ETV1: variants seen among roughly 807,000 people sequenced by gnomAD.
The protein encoded by ETV1 is ETS translocation variant 1.
Under a neutral mutation model 62.3 loss-of-function variants are expected in ETV1, and 27 were observed. That is an observed-to-expected ratio of 0.43 (90% CI 0.32 to 0.60). The LOEUF is 0.60. Among genes scored for constraint, ETV1 ranks in the 20% least tolerant of loss-of-function variants. The probability of loss-of-function intolerance (pLI) is 0.06; values close to 1 mark genes in which losing one functional copy is unlikely to be tolerated. For synonymous variants in ETV1, 222 were observed against 199.6 expected, an observed-to-expected ratio of 1.11 and a Z score of -0.94; for missense variants, 605 against 605.8, an observed-to-expected ratio of 1.00 and a Z score of 0.01.
intron 9 of ETV1, among the ~76,000 whole-genome samples, chr7:13,919,973 A>T (rs1254728379): frequency 6.6e-6 from 1 of 152,160 alleles, no homozygotes; most frequent in Non-Finnish European, 1.5e-5. Flanking sequence ...AGTTCCACTT[A>T]TAAAAACAGT....
chr7:13,981,532 C>T lies in ETV1; in HGVS notation c.182-4052G>A, dbSNP rs74486293. Among the ~76,000 whole-genome samples, 577 of 59,056 alleles carry T rather than the reference C, an allele frequency of 9.8e-3. 6 individuals carry two copies. Among genetic ancestry groups the T allele is most frequent in the South Asian group, 0.045 (116 of 2,552 alleles). The allele number at this position is 59,056 out of a possible 152,430, so 38.7% of individuals were successfully genotyped here. ...ACATACATACATACATACATACATACATATATATATATACACACACACAAA... is the reference window on the plus strand; with the variant it reads ...ACATACATACATACATACATACATATATATATATATATACACACACACAAA... On this transcript the variant is annotated intron_variant, in intron 5 of 13. Coordinates refer to ENST00000430479, the MANE Select transcript of ETV1 (RefSeq NM_004956.5).
chr7:13,914,159 ACAGGCATGAGT>A (rs1056296356), intron 9 of ETV1, among the ~76,000 whole-genome samples: 2 of 151,906 alleles, frequency 1.3e-5, no homozygotes, highest in Admixed American at 1.3e-4. Flanking sequence ...TGCTGGGATT[ACAGGCATGAGT>A]CACCGCGCCC....
At chr7:13,968,385 C>T (rs758804761) in intron 6 of ETV1, among the ~76,000 whole-genome samples, 17 of 151,688 alleles carry the variant, frequency 1.1e-4, no homozygotes, top group African/African-American at 2.2e-4. Flanking sequence ...TTCATCTGGG[C>T]GGTAAGCCTG....
intron 6 of ETV1, among the ~76,000 whole-genome samples, chr7:13,959,801 G>A (rs1473377967): frequency 2.0e-5 from 3 of 149,256 alleles, no homozygotes; most frequent in South Asian, 4.2e-4. Flanking sequence ...GAGAATGGCT[G>A]GAACCTGGGA....
In ETV1 at chr7:13,950,941, C is replaced by A. The variant is rs73276824; in HGVS notation, c.236-11695G>T. ...ACACACACACACACACACACACACA[C>A]AATATCGAGCAATACTGGGTCCAAT... is the stretch of plus-strand genomic sequence containing the variant. On this transcript the variant is annotated intron_variant, in intron 6 of 13. Coordinates refer to ENST00000430479, the MANE Select transcript of ETV1 (RefSeq NM_004956.5). Among the ~76,000 whole-genome samples the A allele has an allele frequency of 1.5e-3, 214 of 147,186 alleles. 1 individual carries two copies. The highest frequency in any genetic ancestry group is 0.011 in the South Asian group (52 of 4,594).
intron 6 of ETV1, among the ~76,000 whole-genome samples, chr7:13,958,039 AG>A (rs1789698543): frequency 1.3e-5 from 2 of 152,198 alleles, no homozygotes; most frequent in South Asian, 2.1e-4. Context: ...TTACCATACA[AG>A]GCATACATAA....
intron 11 of ETV1, 50 bp from the exon 12 acceptor site, chr7:13,906,649 T>TTACATTTTATG (rs1782995353): frequency 1.5e-6 from 2 of 1,341,084 alleles, no homozygotes; most frequent in Non-Finnish European, 2.0e-6. Flanking sequence ...CTATGCTATC[T>TTACATTTTATG]TACATAAAAT....
intron 9 of ETV1, among the ~76,000 whole-genome samples, chr7:13,919,430 G>A (rs1784564946): frequency 6.7e-6 from 1 of 148,902 alleles, no homozygotes; most frequent in African/African-American, 2.5e-5. Context: ...CTTTTAAAGA[G>A]AATAGTTAAA....
At chr7:13,901,649 A>C in intron 12 of ETV1, among the ~76,000 whole-genome samples, 1 of 152,224 alleles carries the variant, frequency 6.6e-6, no homozygotes, top group Non-Finnish European at 1.5e-5. Context: ...TAGCAGAGGA[A>C]ACAGTACACA....
In ETV1 at chr7:13,950,899, A is replaced by AACACACACACACAC. The variant is rs67539493; in HGVS notation, c.236-11667_236-11654dup. Among the ~76,000 whole-genome samples the AACACACACACACAC allele has an allele frequency of 1.2e-3, 172 of 138,904 alleles. No homozygotes were observed. In the Middle Eastern group the frequency reaches 0.014, roughly 11 times the overall value. The allele number at this position is 138,904 out of a possible 152,430, so 91.1% of individuals were successfully genotyped here. ...AATCCAAACTGCTGGCTTCTCTAGG[A>AACACACACACACAC]ACACACACACACACACACACACACA... On this transcript the variant is annotated intron_variant, in intron 6 of 13. Transcript: ENST00000430479.
intron 6 of ETV1, among the ~76,000 whole-genome samples, chr7:13,950,012 G>A (rs936967275): frequency 2.6e-5 from 4 of 152,090 alleles, no homozygotes; most frequent in Admixed American, 2.0e-4. Flanking sequence ...AAGTTATTTC[G>A]GCAACACAGG....
At chr7:13,975,099 T>C (rs1781291519) in intron 6 of ETV1, 1 of 152,322 alleles carries the variant, frequency 6.6e-6, no homozygotes, top group East Asian at 1.9e-4. Flanking sequence ...AAATTTAAAA[T>C]AATCAAAATT....
At chr7:13,986,210 G>A in intron 5 of ETV1, 1 of 1,569,500 alleles carries the variant, frequency 6.4e-7, no homozygotes, top group Non-Finnish European at 8.6e-7. Flanking sequence ...ACTAATTTCT[G>A]CCATCAGAAA....
intron 8 of ETV1, among the ~76,000 whole-genome samples, chr7:13,933,185 T>A (rs1254467619): frequency 2.0e-5 from 3 of 152,130 alleles, no homozygotes; most frequent in Admixed American, 2.0e-4. Context: ...TAAAAGGAAG[T>A]TAATAATACT....
chr7:13,986,486 C>T, intron 5 of ETV1, 152 bp downstream of exon 5: 23 of 1,509,360 alleles, frequency 1.5e-5, no homozygotes, highest in Non-Finnish European at 1.9e-5. Context: ...CAAAGACAAA[C>T]TCATCAGAGG....
At chr7:13,927,003 A>C (rs1473823347) in intron 9 of ETV1, among the ~76,000 whole-genome samples, 2 of 152,166 alleles carry the variant, frequency 1.3e-5, no homozygotes, top group Non-Finnish European at 2.9e-5. Context: ...GTCAGGCTTT[A>C]TTAGAGCACA....
intron 6 of ETV1, among the ~76,000 whole-genome samples, chr7:13,962,664 A>G (rs530790983): frequency 6.6e-6 from 1 of 152,244 alleles, no homozygotes; most frequent in Admixed American, 6.5e-5. Flanking sequence ...CTGAAGACCT[A>G]TGTATACATA....
intron 12 of ETV1, among the ~76,000 whole-genome samples, chr7:13,903,288 G>A (rs930584741): frequency 6.6e-6 from 1 of 152,160 alleles, no homozygotes; most frequent in Admixed American, 6.5e-5. Flanking sequence ...ATAAGATAAT[G>A]TAATAGTTCA....
intron 5 of ETV1, among the ~76,000 whole-genome samples, chr7:13,980,237 A>C (rs996401551): frequency 6.6e-6 from 1 of 152,198 alleles, no homozygotes; most frequent in African/African-American, 2.4e-5. Flanking sequence ...TATACCTCTA[A>C]TTTCAAGTTA....
Sources: allele counts gnomAD v4.1 joint callset (sites outside exome capture counted in the v4.1 genomes callset), GRCh38; gene constraint gnomAD v4.1.1; transcripts MANE v1.5; gene names NCBI Gene and HGNC (gene_info 2026-07-23, HGNC 2026-07-21).